The following FSIP1 variants were observed in gnomAD, a reference collection of about 807,000 sequenced individuals.
FSIP1 encodes the protein fibrous sheath interacting protein 1, also known as fibrous sheath-interacting protein 1.
In FSIP1, 65 loss-of-function variants were observed where a neutral mutation model predicts 60.9. That is an observed-to-expected ratio of 1.07 (90% CI 0.87 to 1.31). FSIP1 has a LOEUF of 1.31. Among genes scored for constraint, FSIP1 ranks in the 40% most tolerant of loss-of-function variants. The pLI is 0.00. For synonymous variants in FSIP1, 209 were observed against 221.2 expected, an observed-to-expected ratio of 0.94 and a Z score of 0.49; for missense variants, 675 against 665.5, an observed-to-expected ratio of 1.01 and a Z score of -0.16.
Position 39,628,629 on chromosome 15 carries a change from G to A in FSIP1, c.1189-10384C>T, listed in dbSNP as rs143925344. Among the ~76,000 whole-genome samples the A allele has an allele frequency of 9.2e-3, 1,401 of 152,286 alleles. 14 individuals carry two copies. Among genetic ancestry groups the A allele is most frequent in the Non-Finnish European group, 0.011 (779 of 68,018 alleles). ...TACTCCATTTGGGAAAGCCTCTCAA[G>A]TTAAGTGTTCCTTCAGCTTGCAAAC... is the stretch of plus-strand genomic sequence containing the variant. On this transcript the variant is annotated intron_variant, in intron 10 of 11. Coordinates refer to ENST00000350221, the MANE Select transcript of FSIP1 (RefSeq NM_152597.5).
intron 10 of FSIP1, among the ~76,000 whole-genome samples, chr15:39,648,178 A>G (rs564525071): frequency 6.8e-5 from 10 of 146,862 alleles, no homozygotes; most frequent in African/African-American, 2.3e-4. Context: ...TAAAAAAAAA[A>G]AGAAAAAAAA....
intron 11 of FSIP1, among the ~76,000 whole-genome samples, chr15:39,603,440 GCAGCA>G (rs1890712851): frequency 6.6e-6 from 1 of 152,214 alleles, no homozygotes; most frequent in Non-Finnish European, 1.5e-5. Context: ...GAGGTAAGAG[GCAGCA>G]CTGGCTAAGG....
At chr15:39,725,209 G>C (rs1287645806) in intron 9 of FSIP1, among the ~76,000 whole-genome samples, 1 of 152,200 alleles carries the variant, frequency 6.6e-6, no homozygotes, top group Non-Finnish European at 1.5e-5. Context: ...CCAGCCTGGT[G>C]ACAGAGCGAG....
rs752006958 is a variant in FSIP1, at chr15:39,765,761, A to G, written c.311-15T>C. 2 of 1,391,950 alleles carry G rather than the reference A, an allele frequency of 1.4e-6. No homozygotes were observed. The highest frequency in any genetic ancestry group is 4.8e-5 in the East Asian group (2 of 41,940). 86.2% of individuals were successfully genotyped at this position (1,391,950 alleles called of 1,614,324 possible). On this transcript the variant is annotated splice_polypyrimidine_tract_variant and intron_variant, in intron 3 of 11. Coordinates refer to ENST00000350221, the MANE Select transcript of FSIP1 (RefSeq NM_152597.5). ...TTTGGGTTCATCTATATTGTGTTGA[A>G]AGTAAAAATAGGTTTGAAGTATAGT...
At chr15:39,616,712 G>T (rs1891243827) in intron 11 of FSIP1, among the ~76,000 whole-genome samples, 1 of 152,208 alleles carries the variant, frequency 6.6e-6, no homozygotes, top group African/African-American at 2.4e-5. Context: ...TTCTGATTTT[G>T]ATCAACAGGC....
chr15:39,615,860 A>C (rs1429377120), intron 11 of FSIP1, among the ~76,000 whole-genome samples: 2 of 152,204 alleles, frequency 1.3e-5, no homozygotes, highest in African/African-American at 4.8e-5. Context: ...TCACTTAGGA[A>C]GAATAAATTT....
At chr15:39,691,080 A>AGG (rs1894580343) in intron 10 of FSIP1, among the ~76,000 whole-genome samples, 1 of 152,172 alleles carries the variant, frequency 6.6e-6, no homozygotes, top group Non-Finnish European at 1.5e-5. Context: ...GGCAATCAGC[A>AGG]CTGTGAGACT....
chr15:39,663,390 T>C (rs1459855654), intron 10 of FSIP1, among the ~76,000 whole-genome samples: 1 of 152,168 alleles, frequency 6.6e-6, no homozygotes, highest in Non-Finnish European at 1.5e-5. Context: ...TAAATCTTAA[T>C]TGTATCTAAA....
chr15:39,624,816 G>A (rs1158475926), intron 10 of FSIP1, among the ~76,000 whole-genome samples: 5 of 152,194 alleles, frequency 3.3e-5, no homozygotes, highest in Admixed American at 3.3e-4. Flanking sequence ...CTGGCCAGAA[G>A]AGAATCTGAA....
intron 10 of FSIP1, among the ~76,000 whole-genome samples, chr15:39,628,241 C>T (rs1566858649): frequency 1.3e-5 from 2 of 152,194 alleles, no homozygotes; most frequent in African/African-American, 4.8e-5. Flanking sequence ...CAGCCAGAGG[C>T]AGCACCACTA....
intron 1 of FSIP1, among the ~76,000 whole-genome samples, chr15:39,779,379 C>T (rs1595412377): frequency 2.0e-5 from 3 of 152,034 alleles, no homozygotes; most frequent in African/African-American, 7.3e-5. Flanking sequence ...TGTTCTTGTC[C>T]CCTTGCTTAT....
intron 11 of FSIP1, among the ~76,000 whole-genome samples, chr15:39,613,787 G>A (rs1174722387): frequency 1.3e-5 from 2 of 152,138 alleles, no homozygotes; most frequent in African/African-American, 4.8e-5. Flanking sequence ...TGGTATGCAA[G>A]GATGGTTCAG....
intron 10 of FSIP1, among the ~76,000 whole-genome samples, chr15:39,656,181 G>A (rs1196608948): frequency 5.3e-5 from 8 of 152,092 alleles, no homozygotes; most frequent in Admixed American, 5.2e-4. Flanking sequence ...AATTAAGTTT[G>A]TGGTCACAGT....
chr15:39,625,698 G>C (rs902621569), intron 10 of FSIP1, among the ~76,000 whole-genome samples: 4 of 152,138 alleles, frequency 2.6e-5, no homozygotes, highest in Non-Finnish European at 4.4e-5. Flanking sequence ...CAGCTCTACA[G>C]CTGGAGGGGG....
At chr15:39,763,078 A>C (rs1022403384) in intron 5 of FSIP1, among the ~76,000 whole-genome samples, 1 of 152,220 alleles carries the variant, frequency 6.6e-6, no homozygotes, top group African/African-American at 2.4e-5. Context: ...TTATCTCTAC[A>C]AGTTGAGAAT....
chr15:39,599,617 C>T (rs545066312), downstream of FSIP1, among the ~76,000 whole-genome samples: 1 of 149,970 alleles, frequency 6.7e-6, no homozygotes, highest in South Asian at 2.1e-4. Flanking sequence ...AAGCTGAACT[C>T]CTCTGAAACG....
At chr15:39,696,739 G>A (rs80245640) in intron 10 of FSIP1, among the ~76,000 whole-genome samples, 1 of 152,090 alleles carries the variant, frequency 6.6e-6, no homozygotes, top group South Asian at 2.1e-4. Flanking sequence ...GTATTGTTAA[G>A]TGAAAAAGCA....
chr15:39,776,341 T>C, intron 2 of FSIP1, 58 bp downstream of exon 2: 1 of 1,543,400 alleles, frequency 6.5e-7, no homozygotes, highest in South Asian at 1.2e-5. Context: ...AACCTTAGTT[T>C]CATCAACTGC....
At chr15:39,767,934 C>T (rs555057340) in intron 3 of FSIP1, among the ~76,000 whole-genome samples, 103 of 152,330 alleles carry the variant, frequency 6.8e-4, no homozygotes, top group African/African-American at 2.4e-3. Flanking sequence ...ACAGAAAGCC[C>T]TCTGCCCTTG....
Sources: allele counts gnomAD v4.1 joint callset (sites outside exome capture counted in the v4.1 genomes callset), GRCh38; gene constraint gnomAD v4.1.1; transcripts MANE v1.5; gene names NCBI Gene and HGNC (gene_info 2026-07-23, HGNC 2026-07-21).